The following ITGBL1 variants were observed in gnomAD, a reference collection of about 807,000 sequenced individuals.
ITGBL1 encodes the protein integrin subunit beta like 1, also known as integrin beta-like protein 1.
ITGBL1 carries 51 observed loss-of-function variants against 68.5 expected under a neutral mutation model. That is an observed-to-expected ratio of 0.74 (90% confidence interval 0.59 to 0.94). The LOEUF is 0.94. Ranked by LOEUF, ITGBL1 falls within the 40% of genes least tolerant of loss-of-function variation. The pLI is 0.00. For missense variants in ITGBL1, 649 were observed against 647.4 expected (o/e 1.00, Z -0.03); for synonymous variants, 209 against 227.3 (o/e 0.92, Z 0.72).
At chr13:101,716,925 A>G (rs777147592), downstream of ITGBL1, 38 of 152,130 alleles carry the variant, frequency 2.5e-4, no homozygotes, top group Non-Finnish European at 4.1e-4. Context: ...ATGAAAGTGT[A>G]CAATAATTGG....
intron 2 of ITGBL1, among the ~76,000 whole-genome samples, chr13:101,499,382 T>A (rs964473401): frequency 2.6e-5 from 4 of 152,174 alleles, no homozygotes; most frequent in Admixed American, 1.3e-4. Flanking sequence ...TACATAGAGG[T>A]ACTCAGTACA....
intron 7 of ITGBL1, among the ~76,000 whole-genome samples, chr13:101,605,595 T>C (rs2030755336): frequency 6.6e-6 from 1 of 151,346 alleles, no homozygotes; most frequent in African/African-American, 2.4e-5. Flanking sequence ...TTTAGACACG[T>C]ACGTGTGTAT....
intron 7 of ITGBL1, among the ~76,000 whole-genome samples, chr13:101,604,885 T>TACACACACACAC (rs1449617732): frequency 4.8e-3 from 57 of 11,908 alleles, no homozygotes; most frequent in Non-Finnish European, 6.5e-3. Context: ...TATATATATA[T>TACACACACACAC]ATACACACAC....
At chr13:101,689,074 G>A (rs1327363452) in intron 7 of ITGBL1, among the ~76,000 whole-genome samples, 3 of 151,086 alleles carry the variant, frequency 2.0e-5, no homozygotes, top group South Asian at 2.1e-4. Flanking sequence ...GTGTGGTGGC[G>A]CATGCTTGCA....
chr13:101,502,526 T>C (rs1311272643), intron 2 of ITGBL1, among the ~76,000 whole-genome samples: 1 of 152,212 alleles, frequency 6.6e-6, no homozygotes, highest in Non-Finnish European at 1.5e-5. Flanking sequence ...GATAACATTC[T>C]AAATTAATTT....
chr13:101,640,184 T>C (rs2032315855), intron 7 of ITGBL1, among the ~76,000 whole-genome samples: 1 of 152,208 alleles, frequency 6.6e-6, no homozygotes, highest in Admixed American at 6.5e-5. Context: ...AAAAATTATC[T>C]GAGTATAAAG....
intron 2 of ITGBL1, among the ~76,000 whole-genome samples, chr13:101,547,090 C>CA (rs1186039855): frequency 6.6e-6 from 1 of 151,774 alleles, no homozygotes; most frequent in African/African-American, 2.4e-5. Context: ...ACCAAGATTA[C>CA]AAAAATAATG....
intron 6 of ITGBL1, among the ~76,000 whole-genome samples, chr13:101,586,451 ACT>A (rs1270682488): frequency 6.6e-6 from 1 of 152,066 alleles, no homozygotes; most frequent in African/African-American, 2.4e-5. Context: ...ATTTACAGAG[ACT>A]CTACTCTATT....
intron 7 of ITGBL1, among the ~76,000 whole-genome samples, chr13:101,648,413 A>G (rs930997714): frequency 3.3e-5 from 5 of 152,204 alleles, no homozygotes; most frequent in African/African-American, 9.6e-5. Flanking sequence ...GATTGGGCAT[A>G]ACAGAAGAGA....
chr13:101,498,472 C>T (rs1248441213), intron 2 of ITGBL1, among the ~76,000 whole-genome samples: 3 of 152,080 alleles, frequency 2.0e-5, no homozygotes, highest in Non-Finnish European at 4.4e-5. Context: ...ATTTGTTTAT[C>T]CAAGACAGAT....
chr13:101,537,907 C>T lies in ITGBL1; in HGVS notation c.317-29792C>T, dbSNP rs540433377. 7.9e-5 allele frequency among the ~76,000 whole-genome samples: 12 copies of T among 151,934 alleles called. No homozygotes were observed. In the South Asian group the frequency reaches 2.1e-3, roughly 26 times the overall value. The stretch of plus-strand genomic sequence containing the variant: ...AACTTAAAGAATTATACAATAATTT[C>T]ATGAAGAACTGTTAATCCTATGTCA... On this transcript the variant is annotated intron_variant, in intron 2 of 10. Transcript: ENST00000376180.
At chr13:101,636,371 T>G (rs2032169455) in intron 7 of ITGBL1, among the ~76,000 whole-genome samples, 1 of 152,144 alleles carries the variant, frequency 6.6e-6, no homozygotes, top group African/African-American at 2.4e-5. Flanking sequence ...ATTTATCATT[T>G]AATCATAATC....
intron 7 of ITGBL1, among the ~76,000 whole-genome samples, chr13:101,642,962 T>C (rs1341681899): frequency 2.7e-5 from 4 of 149,026 alleles, no homozygotes; most frequent in Non-Finnish European, 6.0e-5. Flanking sequence ...TTTTGGTTAC[T>C]GTAGCCTTGT....
At chr13:101,614,143 G>A (rs2031254055) in intron 7 of ITGBL1, among the ~76,000 whole-genome samples, 1 of 152,068 alleles carries the variant, frequency 6.6e-6, no homozygotes, top group South Asian at 2.1e-4. Flanking sequence ...TTGAATACCG[G>A]CAGCATACAG....
At chr13:101,506,263 A>G (rs1192372644) in intron 2 of ITGBL1, among the ~76,000 whole-genome samples, 4 of 152,068 alleles carry the variant, frequency 2.6e-5, no homozygotes, top group Non-Finnish European at 5.9e-5. Context: ...ATATCTCTCT[A>G]CATTTTTCTA....
At chr13:101,510,746 TA>T (rs1476529168) in intron 2 of ITGBL1, among the ~76,000 whole-genome samples, 2 of 152,088 alleles carry the variant, frequency 1.3e-5, no homozygotes, top group African/African-American at 4.8e-5. Flanking sequence ...TGATGATGAT[TA>T]GTGATGAGCA....
intron 7 of ITGBL1, among the ~76,000 whole-genome samples, chr13:101,647,039 C>CT (rs1221864320): frequency 2.0e-5 from 3 of 152,018 alleles, no homozygotes; most frequent in Non-Finnish European, 4.4e-5. Flanking sequence ...GTTTTCATCT[C>CT]TTTTTTTATT....
intron 2 of ITGBL1, among the ~76,000 whole-genome samples, chr13:101,541,115 A>G (rs575801910): frequency 7.4e-5 from 11 of 148,034 alleles, no homozygotes; most frequent in Middle Eastern, 3.4e-3. Context: ...GTGAGAGAGG[A>G]CATCCCTGTC....
intron 2 of ITGBL1, among the ~76,000 whole-genome samples, chr13:101,512,016 G>A (rs1291888702): frequency 1.3e-5 from 2 of 152,108 alleles, no homozygotes; most frequent in Non-Finnish European, 2.9e-5. Flanking sequence ...AGATTAATTT[G>A]AATGTTGTCA....
Sources: gnomAD v4.1 joint callset for allele counts (sites outside exome capture counted in the v4.1 genomes callset) on GRCh38, gnomAD v4.1.1 for gene constraint, MANE v1.5 for transcripts, NCBI Gene and HGNC (gene_info 2026-07-23, HGNC 2026-07-21) for gene names.